The following ERBIN variants were observed in gnomAD, a reference collection of about 807,000 sequenced individuals.
ERBIN encodes erbb2 interacting protein, also known as densin-180-like protein.
In ERBIN, 60 loss-of-function variants were observed where a neutral mutation model predicts 158.4. That is an observed-to-expected ratio of 0.38 (90% confidence interval 0.31 to 0.47). The LOEUF (loss-of-function observed/expected upper bound fraction) is 0.47. ERBIN is among the 20% of genes least tolerant of loss of function. ERBIN has a pLI of 0.99. For missense variants in ERBIN, 1,610 were observed against 1,648.0 expected (o/e 0.98, Z 0.40); for synonymous variants, 594 against 557.2 (o/e 1.07, Z -0.93).
intron 20 of ERBIN, among the ~76,000 whole-genome samples, chr5:66,052,553 T>C (rs1759156034): frequency 6.6e-6 from 1 of 152,160 alleles, no homozygotes; most frequent in South Asian, 2.1e-4. Flanking sequence ...AATCCTGCTT[T>C]TAATATAATG....
intron 1 of ERBIN, among the ~76,000 whole-genome samples, chr5:65,960,572 C>G (rs1216771330): frequency 6.6e-6 from 1 of 152,186 alleles, no homozygotes; most frequent in East Asian, 1.9e-4. Flanking sequence ...ATAGATGATT[C>G]TCATGTGCCG....
intron 7 of ERBIN, among the ~76,000 whole-genome samples, chr5:66,018,527 T>TTATATAATATATATTATATATTA (rs1554058825): frequency 4.4e-4 from 2 of 4,570 alleles, no homozygotes; most frequent in Non-Finnish European, 4.5e-4. Context: ...ATAATATATA[T>TTATATAATATATATTATATATTA]TATATTATAT....
At chr5:65,934,840 CTATT>C (rs1395065474) in intron 1 of ERBIN, among the ~76,000 whole-genome samples, 2 of 152,168 alleles carry the variant, frequency 1.3e-5, no homozygotes, top group Non-Finnish European at 2.9e-5. Context: ...TAATGCATTA[CTATT>C]TATTTTGGTG....
chr5:66,072,674 T>G (rs1051421406), intron 22 of ERBIN, among the ~76,000 whole-genome samples: 1 of 152,200 alleles, frequency 6.6e-6, no homozygotes, highest in Non-Finnish European at 1.5e-5. Context: ...TAAAGTCAAA[T>G]GTAATTACTT....
At chr5:65,999,210 C>G (rs1752771797) in intron 4 of ERBIN, among the ~76,000 whole-genome samples, 1 of 151,928 alleles carries the variant, frequency 6.6e-6, no homozygotes, top group African/African-American at 2.4e-5. Context: ...ACTAAAAATG[C>G]AAAAAATAAG....
intron 1 of ERBIN, among the ~76,000 whole-genome samples, chr5:65,951,468 G>A (rs141171463): frequency 1.3e-5 from 2 of 152,304 alleles, no homozygotes; most frequent in African/African-American, 4.8e-5. Context: ...GATACGTTCA[G>A]TTAAATAACT....
intron 1 of ERBIN, among the ~76,000 whole-genome samples, chr5:65,977,993 A>G (rs1018748915): frequency 2.5e-4 from 9 of 35,814 alleles, no homozygotes; most frequent in Admixed American, 1.7e-3. Context: ...GGGAGCGAGA[A>G]AGCTATTTCT....
chr5:66,019,521 G>A (rs1395278475), intron 7 of ERBIN, among the ~76,000 whole-genome samples: 2 of 152,108 alleles, frequency 1.3e-5, no homozygotes, highest in South Asian at 2.1e-4. Flanking sequence ...CTTGAGAGAG[G>A]CAGCTAGATC....
rs560994738 is a variant in ERBIN, at chr5:66,010,793, G to A, written c.308-1256G>A. Among the ~76,000 whole-genome samples, 4 of 152,202 alleles carry A rather than the reference G, an allele frequency of 2.6e-5. No homozygotes were observed. The East Asian group carries it at 5.8e-4, about 22-fold the overall frequency. On this transcript the variant is annotated intron_variant, in intron 4 of 25. Coordinates refer to ENST00000284037, the MANE Select transcript of ERBIN (RefSeq NM_001253697.2). ...AATTCATTTTTGGAATGTCTTAAAT[G>A]TTTTTTATTAGCATTCCTTTAGTCT...
chr5:65,940,419 G>A (rs1228234032), intron 1 of ERBIN, among the ~76,000 whole-genome samples: 1 of 144,534 alleles, frequency 6.9e-6, no homozygotes. Flanking sequence ...GGGAGGTGGG[G>A]GGGTCAGCCC....
chr5:66,020,230 A>T (rs1166220707), intron 7 of ERBIN, among the ~76,000 whole-genome samples: 1 of 152,046 alleles, frequency 6.6e-6, no homozygotes, highest in Non-Finnish European at 1.5e-5. Context: ...AATGTAGACC[A>T]ATGACAGTTT....
chr5:65,973,639 C>T (rs902923571), intron 1 of ERBIN, among the ~76,000 whole-genome samples: 8 of 151,140 alleles, frequency 5.3e-5, no homozygotes, highest in Non-Finnish European at 8.8e-5. Flanking sequence ...TATTTATAGT[C>T]ACTTTCATTT....
intron 7 of ERBIN, among the ~76,000 whole-genome samples, chr5:66,020,499 A>G (rs1332584701): frequency 2.6e-5 from 4 of 152,032 alleles, no homozygotes; most frequent in Non-Finnish European, 4.4e-5. Context: ...ATCCTACAAA[A>G]TCCTTAATAC....
In ERBIN at chr5:66,025,513, A is replaced by G. The variant is rs1291468539; in HGVS notation, c.851A>G (p.Asp284Gly). The G allele has an allele frequency of 1.2e-6, 2 of 1,612,436 alleles. No homozygotes were observed. The highest frequency in any genetic ancestry group is 3.3e-5 in the Admixed American group (2 of 59,964). Residue 284 changes from aspartate (D) to glycine (G), a missense_variant, in exon 11 of 26, where the codon GAT becomes GGT. Asp to Gly is a moderately conservative substitution (Grantham distance 94). Transcript: ENST00000284037. ...SLKNITTLKI[D>G]ENQLMYLPDS... ...AAGAATATAACAACGCTTAAAATAG[A>G]TGAAAACCAGTTAATGTATCTGCCA...
intron 13 of ERBIN, 60 bp from the exon 14 acceptor site, chr5:66,028,214 C>CA: frequency 7.8e-7 from 1 of 1,282,646 alleles, no homozygotes; most frequent in South Asian, 1.3e-5. Flanking sequence ...GTTGAACCCT[C>CA]ATTCATTTTA....
At chr5:65,960,255 A>G (rs188303369) in intron 1 of ERBIN, among the ~76,000 whole-genome samples, 20 of 152,348 alleles carry the variant, frequency 1.3e-4, no homozygotes, top group Middle Eastern at 6.8e-3. Flanking sequence ...AGTACACACT[A>G]TATGATGGAT....
At chr5:66,069,650 T>C (rs562423586) in intron 21 of ERBIN, among the ~76,000 whole-genome samples, 1 of 152,318 alleles carries the variant, frequency 6.6e-6, no homozygotes, top group South Asian at 2.1e-4. Context: ...AACTCTGGCA[T>C]GGCCCTGTTT....
chr5:65,934,904 T>C (rs183471580), intron 1 of ERBIN, among the ~76,000 whole-genome samples: 57 of 152,334 alleles, frequency 3.7e-4, no homozygotes, highest in African/African-American at 1.4e-3. Flanking sequence ...TTATTTTCTT[T>C]TTTGTTTTTG....
At chr5:66,072,966 TCTAATA>T (rs1761663057) in intron 22 of ERBIN, among the ~76,000 whole-genome samples, 1 of 152,238 alleles carries the variant, frequency 6.6e-6, no homozygotes, top group Non-Finnish European at 1.5e-5. Context: ...TCATAAGTCA[TCTAATA>T]CTTAAGTTCA....
Sources: allele counts gnomAD v4.1 joint callset (sites outside exome capture counted in the v4.1 genomes callset), GRCh38; gene constraint gnomAD v4.1.1; transcripts MANE v1.5; gene names NCBI Gene and HGNC (gene_info 2026-07-23, HGNC 2026-07-21).